The following RFTN2 variants were observed in gnomAD, a reference collection of about 807,000 sequenced individuals.
RFTN2 encodes raftlin-2.
Under a neutral mutation model 52.7 loss-of-function variants are expected in RFTN2, and 34 were observed. That is an observed-to-expected ratio of 0.64 (90% CI 0.49 to 0.86). The LOEUF (loss-of-function observed/expected upper bound fraction) is 0.86, where lower values mean the gene tolerates loss of function less well. Ranked by LOEUF, RFTN2 falls within the 40% of genes least tolerant of loss-of-function variation. The pLI is 0.00. For missense variants in RFTN2, 536 were observed against 600.1 expected, an observed-to-expected ratio of 0.89 and a Z score of 1.12; for synonymous variants, 203 against 217.7, an observed-to-expected ratio of 0.93 and a Z score of 0.59.
At chr2:197,640,600 C>G (rs1448538259) in intron 3 of RFTN2, among the ~76,000 whole-genome samples, 2 of 150,526 alleles carry the variant, frequency 1.3e-5, no homozygotes, top group African/African-American at 4.9e-5. Flanking sequence ...GGCTCGCGCA[C>G]GGTGCGCGCA....
chr2:197,582,564 C>A (rs952396190), intron 8 of RFTN2, among the ~76,000 whole-genome samples: 1 of 152,212 alleles, frequency 6.6e-6, no homozygotes, highest in Non-Finnish European at 1.5e-5. Context: ...ACTCTGCCCC[C>A]CTCCACTACC....
chr2:197,612,048 A>T (rs1056090904), intron 7 of RFTN2, among the ~76,000 whole-genome samples: 2 of 152,150 alleles, frequency 1.3e-5, no homozygotes, highest in Admixed American at 6.5e-5. Flanking sequence ...GTTCAATTTT[A>T]GAATAAGTGT....
intron 3 of RFTN2, among the ~76,000 whole-genome samples, chr2:197,638,519 T>C (rs1489803205): frequency 1.3e-5 from 1 of 75,844 alleles, no homozygotes. Flanking sequence ...CTTTTGATCT[T>C]TGTTGGTTTA....
rs2087670464 is a variant in RFTN2, at chr2:197,589,822, C to G, written c.1233+6169G>C. ...GTGGCTTGTCTTTTCCTTCTGTTAA[C>G]AGTGTCATTCACAGAACAAAAGTTT... is the stretch of plus-strand genomic sequence containing the variant. On this transcript the variant is annotated intron_variant, in intron 8 of 8. Coordinates refer to ENST00000295049, the MANE Select transcript of RFTN2 (RefSeq NM_144629.3). Among the ~76,000 whole-genome samples, 2 of 152,054 alleles carry G rather than the reference C, an allele frequency of 1.3e-5. 1 individual carries two copies. Among genetic ancestry groups the G allele is most frequent in the African/African-American group, 4.8e-5 (2 of 41,398 alleles).
chr2:197,674,570 G>C (rs904714127), intron 1 of RFTN2, among the ~76,000 whole-genome samples: 2 of 152,006 alleles, frequency 1.3e-5, no homozygotes, highest in African/African-American at 4.8e-5. Context: ...CATAATTAAA[G>C]ATATAGCTTT....
chr2:197,634,039 A>G (rs2088514789), intron 3 of RFTN2, 42 bp from the exon 4 acceptor site: 1 of 1,485,538 alleles, frequency 6.7e-7, no homozygotes, highest in Non-Finnish European at 9.2e-7. Context: ...TGTAAACTCT[A>G]TTTTCATTGA....
At position 197,575,841 on chromosome 2, in the gene RFTN2, A is replaced by G. The variant is rs1015238058; in HGVS notation, c.1234-3561T>C. ...ATATATTCTATATATAATATATTAT[A>G]TATATTTTATATACATAATATATTT... On this transcript the variant is annotated intron_variant, in intron 8 of 8. Transcript: ENST00000295049. Among the ~76,000 whole-genome samples, 5 of 98,286 alleles carry G rather than the reference A, an allele frequency of 5.1e-5. No homozygotes were observed. In the East Asian group the frequency reaches 8.7e-4, roughly 17 times the overall value. The allele number at this position is 98,286 out of a possible 152,430, so 64.5% of individuals were successfully genotyped here.
chr2:197,647,761 A>T (rs2088773560), intron 1 of RFTN2, among the ~76,000 whole-genome samples: 1 of 152,236 alleles, frequency 6.6e-6, no homozygotes, highest in Admixed American at 6.5e-5. Context: ...TTCTAAACGT[A>T]GTGGAAATTT....
At chr2:197,597,890 T>C (rs1180493517) in intron 7 of RFTN2, among the ~76,000 whole-genome samples, 2 of 152,172 alleles carry the variant, frequency 1.3e-5, no homozygotes, top group South Asian at 2.1e-4. Context: ...GAGCCTCCCA[T>C]TGTGCTTGCC....
chr2:197,619,605 C>G (rs2088223147), intron 5 of RFTN2, among the ~76,000 whole-genome samples: 2 of 148,706 alleles, frequency 1.3e-5, no homozygotes, highest in African/African-American at 4.9e-5. Context: ...ACAAACACTG[C>G]GGAAGGCCGC....
At chr2:197,645,484 T>C (rs1170990346) in intron 2 of RFTN2, among the ~76,000 whole-genome samples, 2 of 152,330 alleles carry the variant, frequency 1.3e-5, no homozygotes, top group Middle Eastern at 3.4e-3. Flanking sequence ...AAATTTAATG[T>C]GTTAATCTAA....
intron 3 of RFTN2, among the ~76,000 whole-genome samples, chr2:197,640,713 G>T (rs1457011996): frequency 6.6e-6 from 1 of 152,178 alleles, no homozygotes; most frequent in Non-Finnish European, 1.5e-5. Flanking sequence ...CTCACGCCGG[G>T]AGCTGTAGAC....
intron 8 of RFTN2, among the ~76,000 whole-genome samples, chr2:197,591,948 C>A (rs989866037): frequency 6.6e-6 from 1 of 152,106 alleles, no homozygotes; most frequent in Admixed American, 6.5e-5. Context: ...CCCTCCACCC[C>A]TCCCTGCAAG....
At chr2:197,622,562 T>G (rs1172270103) in intron 5 of RFTN2, among the ~76,000 whole-genome samples, 2 of 152,156 alleles carry the variant, frequency 1.3e-5, no homozygotes, top group Admixed American at 1.3e-4. Context: ...CTCCTCAGCC[T>G]CCCGAAGTGT....
At chr2:197,648,030 C>G (rs2088777242) in intron 1 of RFTN2, among the ~76,000 whole-genome samples, 1 of 152,186 alleles carries the variant, frequency 6.6e-6, no homozygotes, top group Non-Finnish European at 1.5e-5. Context: ...TCTTAAGTAA[C>G]AAGACATATG....
At position 197,651,608 on chromosome 2, in the gene RFTN2, C is replaced by T. The variant is rs529677051; in HGVS notation, c.140-4942G>A. ...TCCAGCCTGGGTGATAAGAGTGAAA[C>T]TCCATCTCAAAAAAACAAAAACAAA... On this transcript the variant is annotated intron_variant, in intron 1 of 8. Transcript: ENST00000295049. Among the ~76,000 whole-genome samples the T allele has an allele frequency of 9.2e-5, 14 of 152,056 alleles. No homozygotes were observed. The East Asian group carries it at 1.5e-3, about 17-fold the overall frequency.
chr2:197,643,535 G>A (rs765067859), intron 3 of RFTN2, among the ~76,000 whole-genome samples: 4 of 152,044 alleles, frequency 2.6e-5, no homozygotes, highest in Admixed American at 1.3e-4. Flanking sequence ...AATTATTGAC[G>A]TTTCTTTCTT....
chr2:197,659,818 CA>C (rs1292410599), intron 1 of RFTN2, among the ~76,000 whole-genome samples: 22 of 142,562 alleles, frequency 1.5e-4, no homozygotes, highest in South Asian at 4.4e-4. Context: ...AACTCTGTCT[CA>C]AAAAAAAAAA....
intron 1 of RFTN2, among the ~76,000 whole-genome samples, chr2:197,667,270 G>T (rs2089075422): frequency 6.6e-6 from 1 of 152,212 alleles, no homozygotes; most frequent in East Asian, 1.9e-4. Context: ...ACAGACATGA[G>T]CCATGGCACC....
Sources: gnomAD v4.1 joint callset for allele counts (sites outside exome capture counted in the v4.1 genomes callset) on GRCh38, gnomAD v4.1.1 for gene constraint, MANE v1.5 for transcripts, NCBI Gene and HGNC (gene_info 2026-07-23, HGNC 2026-07-21) for gene names.